The following USH1C variants were observed in gnomAD, a reference collection of about 807,000 sequenced individuals.
USH1C encodes the protein USH1 protein network component harmonin.
In USH1C, 90 loss-of-function variants were observed where a neutral mutation model predicts 119.3. The ratio of observed to expected loss-of-function variants is 0.75; its 90% CI spans 0.64 to 0.90. The LOEUF is 0.90. USH1C is among the 40% of genes least tolerant of loss of function. The pLI, the probability that USH1C is intolerant of heterozygous loss-of-function variation, is 0.00. For missense variants in USH1C, 1,165 were observed against 1,167.7 expected (o/e 1.00, Z 0.03); for synonymous variants, 465 against 443.3 (o/e 1.05, Z -0.62).
At chr11:17,522,290 G>T (rs1850447311) in intron 12 of USH1C, among the ~76,000 whole-genome samples, 1 of 152,222 alleles carries the variant, frequency 6.6e-6, no homozygotes, top group East Asian at 1.9e-4. Flanking sequence ...GCCCTGTGGG[G>T]ACTTGCCAGA....
chr11:17,500,773 G>A (rs538413070), intron 23 of USH1C, among the ~76,000 whole-genome samples: 1 of 152,128 alleles, frequency 6.6e-6, no homozygotes, highest in African/African-American at 2.4e-5. Context: ...AGACCATGCT[G>A]TGACTTTCAG....
At chr11:17,523,126 C>A in intron 11 of USH1C, 85 bp downstream of exon 11, 1 of 1,603,578 alleles carries the variant, frequency 6.2e-7, no homozygotes, top group Admixed American at 1.7e-5. Flanking sequence ...AGACCAGCCA[C>A]CCTGGGAGTG....
intron 14 of USH1C, among the ~76,000 whole-genome samples, chr11:17,517,965 C>A (rs1850231066): frequency 6.6e-6 from 1 of 152,132 alleles, no homozygotes; most frequent in Non-Finnish European, 1.5e-5. Flanking sequence ...GTGGGGACAT[C>A]CCAAAAGGTA....
At position 17,516,281 on chromosome 11, in the gene USH1C, C is replaced by T; in HGVS notation, c.1220G>A (p.Trp407Ter). ...GAATTTGCCATCGTAACGATAAAAC[C>T]ATCCAAAAGCTATAAGACACAGATA... ...VPLRKPKSFG[W>*]FYRYDGKFPT... The change falls in exon 15 of 27, where the codon TGG becomes TAG. Residue 407 changes from tryptophan (W) to a stop codon, truncating the protein, a stop_gained. Coordinates refer to ENST00000005226, the MANE Select transcript of USH1C (RefSeq NM_153676.4). LOFTEE classifies it high-confidence loss of function. The T allele has an allele frequency of 1.2e-6, 2 of 1,613,184 alleles. No homozygotes were observed. The highest frequency in any genetic ancestry group is 1.7e-5 in the Admixed American group (1 of 59,902).
chr11:17,516,375 A>T (rs1850145554), intron 14 of USH1C, 85 bp from the exon 15 acceptor site: 16 of 1,347,592 alleles, frequency 1.2e-5, no homozygotes, highest in Non-Finnish European at 1.4e-5. Flanking sequence ...CTGGGTTCCC[A>T]AGGAATGCAT....
In USH1C at chr11:17,504,695, T is replaced by C. The variant is rs756777467; in HGVS notation, c.2136A>G (p.Pro712=). 2.5e-6 allele frequency: 4 copies of C among 1,613,696 alleles called. No individual in the cohort carries two copies. The South Asian group carries it at 4.4e-5, about 18-fold the overall frequency. Residue 712 remains proline (P), a splice_region_variant and synonymous_variant, in exon 20 of 27, where the codon CCA becomes CCG. Coordinates refer to ENST00000005226, the MANE Select transcript of USH1C (RefSeq NM_153676.4). ...YRPAVKSEVL[P]QEMLKRMVVY... ...CCACCATCCTCTTCAACATCTCCTG[T>C]GGCTGCCAGAGGAAAAAAAAAAAAG...
chr11:17,521,673 T>A (rs186789097), intron 12 of USH1C, among the ~76,000 whole-genome samples: 2 of 152,270 alleles, frequency 1.3e-5, no homozygotes, highest in Admixed American at 1.3e-4. Context: ...CCACACTCCA[T>A]GCACCCTCCT....
At chr11:17,520,033 G>C (rs990722319) in intron 14 of USH1C, among the ~76,000 whole-genome samples, 1 of 152,202 alleles carries the variant, frequency 6.6e-6, no homozygotes, top group Non-Finnish European at 1.5e-5. Context: ...CAATCAGCTG[G>C]AGTAGGACCT....
chr11:17,501,383 CACCCAGGAGTG>C (rs1849438388), intron 22 of USH1C, 88 bp downstream of exon 22: 1 of 1,413,940 alleles, frequency 7.1e-7, no homozygotes, highest in Admixed American at 1.9e-5. Flanking sequence ...CCTGAGAGAC[CACCCAGGAGTG>C]ACCTTGAGAG....
chr11:17,513,261 G>T (rs115041546), intron 15 of USH1C, among the ~76,000 whole-genome samples: 2,496 of 152,276 alleles, frequency 0.016, 88 homozygotes, highest in African/African-American at 0.056. Flanking sequence ...GAGCATTCAG[G>T]AGAGGGGCAG....
chr11:17,536,532 G>T (rs377736142), intron 1 of USH1C, among the ~76,000 whole-genome samples: 1 of 152,174 alleles, frequency 6.6e-6, no homozygotes, highest in Non-Finnish European at 1.5e-5. Context: ...TGAAGGTCCC[G>T]GGCTCCTGGC....
chr11:17,521,123 C>G (rs980958383), intron 13 of USH1C, 129 bp from the exon 14 acceptor site: 1 of 1,330,116 alleles, frequency 7.5e-7, no homozygotes, highest in African/African-American at 1.4e-5. Context: ...CAAGCAAAGT[C>G]CCCGAGCTTG....
In USH1C at chr11:17,523,207, TTA is replaced by T; in HGVS notation, c.876+2_876+3del. 1.2e-6 allele frequency: 2 copies of T among 1,614,152 alleles called. No individual in the cohort carries two copies. The highest frequency in any genetic ancestry group is 8.5e-7 in the Non-Finnish European group (1 of 1,179,984). ...GGGCTCCCACCAGCTCATTCTGGAC[TTA>T]CAGCTGCAGCTACAATGGAGATGGT... On this transcript the variant is annotated splice_donor_variant and splice_donor_region_variant and intron_variant, in intron 11 of 26. Coordinates refer to ENST00000005226, the MANE Select transcript of USH1C (RefSeq NM_153676.4). LOFTEE classifies it high-confidence loss of function.
Position 17,531,567 on chromosome 11 carries a change from G to A in USH1C, c.105-25C>T. The A allele has an allele frequency of 6.2e-7, 1 of 1,611,040 alleles. No homozygotes were observed. Among genetic ancestry groups the A allele is most frequent in the East Asian group, 2.2e-5 (1 of 44,866 alleles). ...CCTGTGGAGATGCCGGGAATGCCTG[G>A]AGCCTCACCCCTGGCCATGACCTCA... On this transcript the variant is annotated intron_variant, in intron 2 of 26. Transcript: ENST00000005226. This position sits in a 1 kb window ranked among gnomAD's most constrained non-coding sequence, Gnocchi z 4.2.
At chr11:17,534,610 C>T (rs1592031084) in intron 1 of USH1C, among the ~76,000 whole-genome samples, 2 of 152,206 alleles carry the variant, frequency 1.3e-5, no homozygotes, top group East Asian at 1.9e-4. Flanking sequence ...TGCGGTGGCT[C>T]ACGCCTATAA....
intron 1 of USH1C, 173 bp from the exon 2 acceptor site, chr11:17,533,495 G>C: frequency 1.5e-6 from 1 of 670,860 alleles, no homozygotes; most frequent in Admixed American, 2.1e-5. Context: ...CAATGCATCA[G>C]ACCTATGCAG....
At chr11:17,526,280 G>T in intron 8 of USH1C, 67 bp downstream of exon 8, 1 of 1,345,414 alleles carries the variant, frequency 7.4e-7, no homozygotes, top group South Asian at 1.2e-5. Flanking sequence ...GTGAGGAAGG[G>T]GAGGGCAATA....
rs373148928 is a variant in USH1C at position 17,524,434 on chromosome 11, G to A, written c.759+17C>T. 2.5e-5 allele frequency: 39 copies of A among 1,563,518 alleles called. No homozygotes were observed. Among genetic ancestry groups the A allele is most frequent in the East Asian group, 1.9e-4 (8 of 41,798 alleles). ...TTTCCAGTGGGCCCCCACTGGGGCC[G>A]GCCCAGCGTCACTCACCTCCAATCC... On this transcript the variant is annotated intron_variant, in intron 9 of 26. Coordinates refer to ENST00000005226, the MANE Select transcript of USH1C (RefSeq NM_153676.4).
chr11:17,516,120 C>T (rs1366697004), intron 15 of USH1C, 121 bp downstream of exon 15: 2 of 1,121,374 alleles, frequency 1.8e-6, no homozygotes, highest in African/African-American at 1.5e-5. Context: ...TGGAGTTAGC[C>T]TTCCAAGTGA....
Sources: allele counts gnomAD v4.1 joint callset (sites outside exome capture counted in the v4.1 genomes callset), GRCh38; gene constraint gnomAD v4.1.1; non-coding constraint Gnocchi (gnomAD v3.1); transcripts MANE v1.5; gene names NCBI Gene and HGNC (gene_info 2026-07-23, HGNC 2026-07-21).